ANO1: variants seen among roughly 807,000 people sequenced by gnomAD.
ANO1 encodes anoctamin 1.
In ANO1, 59 loss-of-function variants were observed where a neutral mutation model predicts 124.0. The observed-to-expected ratio is 0.48, with a 90% CI of 0.39 to 0.59. The LOEUF is 0.59. Among genes scored for constraint, ANO1 ranks in the 20% least tolerant of loss-of-function variants. ANO1 has a pLI of 0.00. For missense variants in ANO1, 1,059 were observed against 1,328.0 expected (o/e 0.80, Z 3.15); for synonymous variants, 529 against 532.0 (o/e 0.99, Z 0.08).
intron 1 of ANO1, among the ~76,000 whole-genome samples, chr11:69,988,866 C>T (rs1856098514): frequency 1.3e-5 from 2 of 152,016 alleles, no homozygotes; most frequent in South Asian, 4.1e-4. Flanking sequence ...ACCCACATGC[C>T]TCTCTGCACT....
At chr11:70,112,724 ATTGT>A (rs1471345724) in intron 7 of ANO1, among the ~76,000 whole-genome samples, 2 of 151,852 alleles carry the variant, frequency 1.3e-5, no homozygotes, top group African/African-American at 4.8e-5. Context: ...CACCCAGCTA[ATTGT>A]TTGTATTGTT....
intron 1 of ANO1, among the ~76,000 whole-genome samples, chr11:70,049,241 C>T (rs1313385383): frequency 2.0e-5 from 3 of 152,198 alleles, no homozygotes; most frequent in African/African-American, 7.2e-5. Context: ...AAGTCACCCA[C>T]CGGAAACAGC....
At chr11:69,971,789 G>A in the ANO1 span, among the ~76,000 whole-genome samples, 20 of 152,174 alleles carry the variant, frequency 1.3e-4, no homozygotes, top group Middle Eastern at 3.4e-3. Flanking sequence ...TGTCCTCCCC[G>A]TGTGTTTATG....
At chr11:70,059,984 C>A (rs6591898) in intron 1 of ANO1, among the ~76,000 whole-genome samples, 3 of 125,236 alleles carry the variant, frequency 2.4e-5, no homozygotes, top group African/African-American at 9.5e-5. Flanking sequence ...TTGCTGTCCT[C>A]TTGGCATAGA....
intron 1 of ANO1, 26 bp downstream of exon 1, chr11:70,078,740 G>C (rs772695903): frequency 1.4e-6 from 2 of 1,420,460 alleles, no homozygotes; most frequent in Non-Finnish European, 9.4e-7. Flanking sequence ...CGCGACCCGG[G>C]CGGGAGGGCC....
chr11:70,168,410 C>A (rs1359917360), intron 21 of ANO1, among the ~76,000 whole-genome samples: 2 of 151,946 alleles, frequency 1.3e-5, no homozygotes, highest in Non-Finnish European at 2.9e-5. Flanking sequence ...CCCGACACGG[C>A]CACGACCCCC....
chr11:69,993,631 T>C (rs1165293887), intron 1 of ANO1, among the ~76,000 whole-genome samples: 2 of 152,228 alleles, frequency 1.3e-5, no homozygotes, highest in Non-Finnish European at 2.9e-5. Context: ...CACCACTGTA[T>C]CCTTGCCCCT....
intron 11 of ANO1, among the ~76,000 whole-genome samples, chr11:70,144,401 A>T (rs919882483): frequency 6.6e-6 from 1 of 152,198 alleles, no homozygotes; most frequent in African/African-American, 2.4e-5. Context: ...ACACCCTGTG[A>T]TAGACCCTCT....
intron 1 of ANO1, among the ~76,000 whole-genome samples, chr11:70,037,407 T>A (rs1857113288): frequency 6.6e-6 from 1 of 151,898 alleles, no homozygotes; most frequent in Non-Finnish European, 1.5e-5. Context: ...CAAATGGGGC[T>A]ATGGAGGACC....
At chr11:70,057,670 G>C (rs562665404) in intron 1 of ANO1, among the ~76,000 whole-genome samples, 7 of 152,142 alleles carry the variant, frequency 4.6e-5, no homozygotes, top group Non-Finnish European at 7.3e-5. Flanking sequence ...TTGTCCAGGG[G>C]AGGAATGTCA....
chr11:70,024,607 G>A (rs4980745), intron 1 of ANO1, among the ~76,000 whole-genome samples: 50,509 of 152,074 alleles, frequency 0.33, 8,915 homozygotes, highest in Admixed American at 0.4. Flanking sequence ...GGAAGCTGGA[G>A]TTTGTGGCCC....
At position 70,010,179 on chromosome 11, in the gene ANO1, G is replaced by GTATATATATATATATATATATATATA. The variant is rs71926266; in HGVS notation, c.58+24032_58+24033insATATATATATATATATATATATATAT. On this transcript the variant is annotated intron_variant, in intron 1 of 27. Coordinates refer to the ANO1 transcript ENST00000531349. ...TGTGTGTGTGTGCGCGTGTGTGTGTGTATATATATATATATATATCACATT... is the reference window on the plus strand; with the variant it reads ...TGTGTGTGTGTGCGCGTGTGTGTGTGTATATATATATATATATATATATATATATATATATATATATATATCACATT... 1.3e-3 allele frequency among the ~76,000 whole-genome samples: 111 copies of GTATATATATATATATATATATATATA among 83,720 alleles called. 5 individuals are homozygous for GTATATATATATATATATATATATATA. Among genetic ancestry groups the GTATATATATATATATATATATATATA allele is most frequent in the Non-Finnish European group, 2.1e-3 (86 of 41,446 alleles). The allele number at this position is 83,720 out of a possible 152,430, so 54.9% of individuals were successfully genotyped here.
intron 11 of ANO1, among the ~76,000 whole-genome samples, chr11:70,145,845 G>C (rs766794956): frequency 2.0e-5 from 3 of 149,480 alleles, no homozygotes; most frequent in Non-Finnish European, 4.4e-5. Context: ...ACTGAGGCCA[G>C]AGAATTACTT....
chr11:70,185,998 G>A (rs1201160203), intron 25 of ANO1, among the ~76,000 whole-genome samples: 4 of 152,114 alleles, frequency 2.6e-5, no homozygotes, highest in African/African-American at 9.7e-5. Flanking sequence ...TATTGAAAGA[G>A]ACAGGGGCCA....
intron 11 of ANO1, among the ~76,000 whole-genome samples, chr11:70,141,946 C>T (rs2047170738): frequency 6.6e-6 from 1 of 152,116 alleles, no homozygotes; most frequent in African/African-American, 2.4e-5. Context: ...GGTCCGTATT[C>T]ACGGTGGATG....
Position 70,161,607 on chromosome 11 carries a change from T to C in ANO1, c.1781-15T>C, listed in dbSNP as rs2048046523. On this transcript the variant is annotated splice_polypyrimidine_tract_variant and intron_variant, in intron 17 of 25. Coordinates refer to ENST00000355303, the MANE Select transcript of ANO1 (RefSeq NM_018043.7). ...CCCAGCCACAGCCTCAGTATCATCC[T>C]ACCCCTCCCTCTAGAGGTCCCAAAG... 2 of 1,612,386 alleles carry C rather than the reference T, an allele frequency of 1.2e-6. No individual in the cohort carries two copies. The highest frequency in any genetic ancestry group is 1.7e-6 in the Non-Finnish European group (2 of 1,178,556).
intron 10 of ANO1, among the ~76,000 whole-genome samples, chr11:70,130,688 C>T (rs1286448134): frequency 6.6e-6 from 1 of 152,230 alleles, no homozygotes; most frequent in Non-Finnish European, 1.5e-5. Flanking sequence ...CTCCTGGCCA[C>T]AGTAGTTGGG....
intron 12 of ANO1, 73 bp from the exon 13 acceptor site, chr11:70,152,377 T>C: frequency 2.1e-6 from 2 of 965,538 alleles, no homozygotes; most frequent in Non-Finnish European, 3.2e-6. Flanking sequence ...AGTGGACAGG[T>C]CCTATTTCTA....
chr11:70,188,099 T>G lies in ANO1; in HGVS notation c.*95T>G, dbSNP rs2049214090. On this transcript the variant is annotated 3_prime_UTR_variant, in exon 26 of 26. Coordinates refer to ENST00000355303, the MANE Select transcript of ANO1 (RefSeq NM_018043.7). ...GCTTCCCGCTCCCACCAGGGCCCGGTGGGTCCTGGGTTTTCTGCAAACATG... is the reference window on the plus strand; with the variant it reads ...GCTTCCCGCTCCCACCAGGGCCCGGGGGGTCCTGGGTTTTCTGCAAACATG... The G allele has an allele frequency of 2.2e-6, 3 of 1,384,460 alleles. No homozygotes were observed. Among genetic ancestry groups the G allele is most frequent in the Non-Finnish European group, 1.9e-6 (2 of 1,048,554 alleles). 85.8% of individuals were successfully genotyped at this position (1,384,460 alleles called of 1,614,324 possible).
Sources: allele counts gnomAD v4.1 joint callset (sites outside exome capture counted in the v4.1 genomes callset), GRCh38; gene constraint gnomAD v4.1.1; transcripts MANE v1.5; gene names NCBI Gene and HGNC (gene_info 2026-07-23, HGNC 2026-07-21).